SGCZ: variants seen among roughly 807,000 people sequenced by gnomAD.
The protein encoded by SGCZ is zeta-sarcoglycan.
A neutral mutation model predicts 41.3 loss-of-function variants in SGCZ; 40 were observed. That is an observed-to-expected ratio of 0.97 (90% CI 0.75 to 1.26). The LOEUF (loss-of-function observed/expected upper bound fraction) is 1.26, where lower values mean the gene tolerates loss of function less well. Among genes scored for constraint, SGCZ ranks in the 50% most tolerant of loss-of-function variants. The probability of loss-of-function intolerance (pLI) is 0.00; values close to 1 mark genes in which losing one functional copy is unlikely to be tolerated. For missense variants in SGCZ, 552 were observed against 369.8 expected (o/e 1.49, Z -4.04); for synonymous variants, 206 against 137.5 (o/e 1.50, Z -3.49).
chr8:15,072,950 C>A (rs1367210690), intron 1 of SGCZ, among the ~76,000 whole-genome samples: 1 of 152,118 alleles, frequency 6.6e-6, no homozygotes, highest in Non-Finnish European at 1.5e-5. Flanking sequence ...AGAGATGCAG[C>A]TTGTCTCATG....
intron 1 of SGCZ, among the ~76,000 whole-genome samples, chr8:14,620,686 A>G (rs569945135): frequency 6.6e-6 from 1 of 152,346 alleles, no homozygotes; most frequent in East Asian, 1.9e-4. Flanking sequence ...ACACATGAAA[A>G]AATGCTCATC....
chr8:14,310,541 C>T (rs1383299470), intron 3 of SGCZ, among the ~76,000 whole-genome samples: 1 of 151,902 alleles, frequency 6.6e-6, no homozygotes, highest in Non-Finnish European at 1.5e-5. Context: ...TTTTAGGGTA[C>T]ATGTGCACAA....
rs530253819 is a variant in SGCZ, at chr8:14,919,215, G to C, written c.39+318370C>G. Among the ~76,000 whole-genome samples, 2 of 152,272 alleles carry C rather than the reference G, an allele frequency of 1.3e-5. 1 individual carries two copies. The highest frequency in any genetic ancestry group is 1.3e-4 in the Admixed American group (2 of 15,304). On this transcript the variant is annotated intron_variant, in intron 1 of 7. Coordinates refer to ENST00000382080, the MANE Select transcript of SGCZ (RefSeq NM_139167.4). ...GCACTTTGGGAGGCCGAGGCAGGTG[G>C]ATTGCCTGAGCTCAGGAGTTTGAGA...
intron 1 of SGCZ, among the ~76,000 whole-genome samples, chr8:14,788,272 A>C (rs1800836686): frequency 6.6e-6 from 1 of 152,116 alleles, no homozygotes; most frequent in African/African-American, 2.4e-5. Flanking sequence ...TTTCATTATT[A>C]TTTCCAGAAA....
intron 1 of SGCZ, among the ~76,000 whole-genome samples, chr8:14,586,900 G>T (rs149670616): frequency 6.6e-6 from 1 of 151,946 alleles, no homozygotes; most frequent in South Asian, 2.1e-4. Context: ...AATAAAGTTC[G>T]TAGTGGTGAT....
At chr8:14,568,771 C>G (rs1290788882) in intron 1 of SGCZ, among the ~76,000 whole-genome samples, 2 of 152,160 alleles carry the variant, frequency 1.3e-5, no homozygotes, top group East Asian at 3.8e-4. Flanking sequence ...GGAGCAAGCA[C>G]TTTGAGAATC....
At chr8:14,777,226 G>A (rs746033451) in intron 1 of SGCZ, among the ~76,000 whole-genome samples, 2 of 152,066 alleles carry the variant, frequency 1.3e-5, no homozygotes, top group East Asian at 1.9e-4. Context: ...TCATCATGAC[G>A]ACTTGAATTA....
chr8:14,375,378 A>G (rs1388430944), intron 2 of SGCZ, among the ~76,000 whole-genome samples: 1 of 152,234 alleles, frequency 6.6e-6, no homozygotes, highest in African/African-American at 2.4e-5. Flanking sequence ...GGCCAAAAAT[A>G]TATGTGAGAA....
At chr8:15,023,655 A>G (rs953155691) in intron 1 of SGCZ, among the ~76,000 whole-genome samples, 1 of 152,210 alleles carries the variant, frequency 6.6e-6, no homozygotes, top group African/African-American at 2.4e-5. Flanking sequence ...TTTTTTAAAT[A>G]TTGGCATGCA....
intron 2 of SGCZ, among the ~76,000 whole-genome samples, chr8:14,396,439 T>A (rs1299683931): frequency 6.6e-6 from 1 of 152,166 alleles, no homozygotes; most frequent in Non-Finnish European, 1.5e-5. Context: ...TGGTGAGAAT[T>A]TGATCACTTA....
In SGCZ at chr8:14,751,880, C is replaced by T. The variant is rs1799508435; in HGVS notation, c.40-196954G>A. ...CCGGGAGGCAGAGCTTGCACTGAGC[C>T]AAAATCGCGCCACTGCACTCCAGCT... On this transcript the variant is annotated intron_variant, in intron 1 of 7. Transcript: ENST00000382080. Among the ~76,000 whole-genome samples the T allele has an allele frequency of 3.3e-5, 5 of 150,104 alleles. No individual in the cohort carries two copies. The East Asian group carries it at 9.9e-4, about 30-fold the overall frequency.
At chr8:14,623,894 C>T (rs1209151159) in intron 1 of SGCZ, among the ~76,000 whole-genome samples, 1 of 152,082 alleles carries the variant, frequency 6.6e-6, no homozygotes, top group Non-Finnish European at 1.5e-5. Flanking sequence ...TACTCAATAC[C>T]CACTTCTGGA....
chr8:14,638,432 C>A (rs1192226983), intron 1 of SGCZ, among the ~76,000 whole-genome samples: 1 of 151,806 alleles, frequency 6.6e-6, no homozygotes, highest in Non-Finnish European at 1.5e-5. Flanking sequence ...ATAACATTTC[C>A]TTAAAATTAA....
chr8:14,272,591 GA>G (rs1055668977), intron 3 of SGCZ, among the ~76,000 whole-genome samples: 1 of 152,196 alleles, frequency 6.6e-6, no homozygotes, highest in African/African-American at 2.4e-5. Flanking sequence ...CCTCCAGGAA[GA>G]GGCTGTTGCT....
At chr8:14,290,741 TAAATG>T (rs1254614313) in intron 3 of SGCZ, among the ~76,000 whole-genome samples, 10 of 10,486 alleles carry the variant, frequency 9.5e-4, no homozygotes, top group Non-Finnish European at 3.4e-3. Flanking sequence ...GGTGGGAATG[TAAATG>T]TAAATTAGTA....
At chr8:14,310,303 A>C (rs1801493134) in intron 3 of SGCZ, among the ~76,000 whole-genome samples, 1 of 152,134 alleles carries the variant, frequency 6.6e-6, no homozygotes, top group African/African-American at 2.4e-5. Context: ...TATGACAGAA[A>C]GGTGGAATAA....
chr8:14,103,092 G>GTGAAATGTC (rs1554457031), intron 6 of SGCZ, among the ~76,000 whole-genome samples: 2 of 152,042 alleles, frequency 1.3e-5, no homozygotes, highest in Non-Finnish European at 2.9e-5. Context: ...TGTTGGCCCC[G>GTGAAATGTC]TGAAATGTCC....
At chr8:14,886,303 T>C (rs1804802863) in intron 1 of SGCZ, among the ~76,000 whole-genome samples, 1 of 151,870 alleles carries the variant, frequency 6.6e-6, no homozygotes. Context: ...CAAAAATCCC[T>C]GCTCTCAGAG....
At chr8:14,141,425 A>G (rs527754232) in intron 5 of SGCZ, among the ~76,000 whole-genome samples, 1 of 152,364 alleles carries the variant, frequency 6.6e-6, no homozygotes, top group African/African-American at 2.4e-5. Flanking sequence ...CCATCTGACA[A>G]AGGACTACTA....
Sources: allele counts gnomAD v4.1 joint callset (sites outside exome capture counted in the v4.1 genomes callset), GRCh38; gene constraint gnomAD v4.1.1; transcripts MANE v1.5; gene names NCBI Gene and HGNC (gene_info 2026-07-23, HGNC 2026-07-21).